The following ADK variants were observed in gnomAD, a reference collection of about 807,000 sequenced individuals.
The protein encoded by ADK is adenosine kinase, also known as N6,N6-dimethyladenosine kinase.
Under a neutral mutation model 44.7 loss-of-function variants are expected in ADK, and 24 were observed. The observed-to-expected ratio is 0.54, with a 90% CI of 0.39 to 0.76. The LOEUF is 0.76. ADK is among the 30% of genes least tolerant of loss of function. The probability of loss-of-function intolerance (pLI) is 0.00; values close to 1 mark genes in which losing one functional copy is unlikely to be tolerated. For missense variants in ADK, 321 were observed against 425.1 expected, an observed-to-expected ratio of 0.76 and a Z score of 2.15; for synonymous variants, 128 against 142.6, an observed-to-expected ratio of 0.90 and a Z score of 0.73.
At chr10:74,495,094 C>T (rs1847634932) in intron 6 of ADK, among the ~76,000 whole-genome samples, 1 of 151,908 alleles carries the variant, frequency 6.6e-6, no homozygotes, top group Non-Finnish European at 1.5e-5. Flanking sequence ...TGCCTTTTCT[C>T]TAGAAGCATT....
At chr10:74,256,918 A>G (rs1456587867) in intron 3 of ADK, among the ~76,000 whole-genome samples, 4 of 152,186 alleles carry the variant, frequency 2.6e-5, no homozygotes, top group Non-Finnish European at 4.4e-5. Flanking sequence ...ATTTAGAGAA[A>G]TTTTTGAAAG....
intron 7 of ADK, among the ~76,000 whole-genome samples, chr10:74,561,036 A>G (rs1850440674): frequency 6.6e-6 from 1 of 152,226 alleles, no homozygotes; most frequent in Non-Finnish European, 1.5e-5. Context: ...AAACAGAACA[A>G]CAAAATTGTC....
chr10:74,308,515 C>T (rs1840329788), intron 3 of ADK, among the ~76,000 whole-genome samples: 2 of 152,100 alleles, frequency 1.3e-5, no homozygotes, highest in Admixed American at 6.6e-5. Flanking sequence ...TTACAATTTG[C>T]CTGTCGATTC....
At chr10:74,250,489 A>C (rs1845608410) in intron 3 of ADK, among the ~76,000 whole-genome samples, 1 of 152,186 alleles carries the variant, frequency 6.6e-6, no homozygotes, top group African/African-American at 2.4e-5. Flanking sequence ...GTTCAGGCCG[A>C]ATTGTGAAAA....
At chr10:74,205,134 C>G (rs1473363587) in intron 2 of ADK, among the ~76,000 whole-genome samples, 1 of 150,804 alleles carries the variant, frequency 6.6e-6, no homozygotes. Flanking sequence ...ATTGACTTCT[C>G]ATTATGGAGA....
chr10:74,387,228 C>G (rs1285585756), intron 4 of ADK, among the ~76,000 whole-genome samples: 2 of 152,186 alleles, frequency 1.3e-5, no homozygotes, highest in East Asian at 3.8e-4. Context: ...AGCCACTGCG[C>G]CTGGCCTGGT....
chr10:74,665,514 C>G (rs940615959), intron 9 of ADK, among the ~76,000 whole-genome samples: 15 of 151,874 alleles, frequency 9.9e-5, no homozygotes, highest in African/African-American at 3.4e-4. Context: ...AGGAGGATCA[C>G]TTGAAGCCAA....
At chr10:74,614,136 A>G (rs1284630953) in intron 9 of ADK, among the ~76,000 whole-genome samples, 1 of 152,114 alleles carries the variant, frequency 6.6e-6, no homozygotes, top group Non-Finnish European at 1.5e-5. Context: ...CACATTTTTG[A>G]CAAAGTAGTA....
intron 1 of ADK, among the ~76,000 whole-genome samples, chr10:74,183,942 A>G (rs777999425): frequency 1.9e-4 from 28 of 151,344 alleles, no homozygotes; most frequent in South Asian, 6.3e-4. Context: ...TTCGAGACAG[A>G]GTCTCGCTCT....
At chr10:74,302,370 C>T (rs1488953520) in intron 3 of ADK, among the ~76,000 whole-genome samples, 2 of 151,588 alleles carry the variant, frequency 1.3e-5, no homozygotes, top group South Asian at 4.2e-4. Flanking sequence ...AATCAGCCCA[C>T]CTCAGCCTCC....
intron 1 of ADK, among the ~76,000 whole-genome samples, chr10:74,189,710 T>C (rs1379145638): frequency 6.6e-6 from 1 of 152,088 alleles, no homozygotes; most frequent in Non-Finnish European, 1.5e-5. Flanking sequence ...AACGTTTTTG[T>C]CCCCCAAAAT....
At chr10:74,474,655 A>G (rs978479811) in intron 6 of ADK, among the ~76,000 whole-genome samples, 3 of 150,642 alleles carry the variant, frequency 2.0e-5, no homozygotes, top group African/African-American at 7.3e-5. Context: ...TTGATCTCCC[A>G]CCTTAGGCTC....
intron 7 of ADK, among the ~76,000 whole-genome samples, chr10:74,578,949 A>C (rs188752778): frequency 1.3e-3 from 197 of 152,292 alleles, no homozygotes; most frequent in Admixed American, 1.8e-3. Context: ...TTACATGTAC[A>C]TGTTTGGTAC....
chr10:74,683,907 T>C (rs1196695679), intron 10 of ADK, among the ~76,000 whole-genome samples: 1 of 152,224 alleles, frequency 6.6e-6, no homozygotes, highest in Non-Finnish European at 1.5e-5. Flanking sequence ...CCCAGCTCTC[T>C]AGGTTTAACT....
intron 7 of ADK, among the ~76,000 whole-genome samples, chr10:74,579,544 A>G (rs1202524389): frequency 6.6e-6 from 1 of 152,192 alleles, no homozygotes; most frequent in African/African-American, 2.4e-5. Flanking sequence ...CTGAGAGAAA[A>G]TGAATGAGGC....
intron 6 of ADK, among the ~76,000 whole-genome samples, chr10:74,512,218 G>A (rs911548408): frequency 1.3e-5 from 2 of 151,940 alleles, no homozygotes; most frequent in Admixed American, 6.6e-5. Flanking sequence ...GTGGACTTTT[G>A]CATGTATGTT....
rs150421216 is a variant in ADK, at chr10:74,691,930, T to C, written c.965-16391T>C. 1.1e-3 allele frequency among the ~76,000 whole-genome samples: 161 copies of C among 152,260 alleles called. 1 individual carries two copies. The highest frequency in any genetic ancestry group is 3.7e-3 in the African/African-American group (155 of 41,556). On this transcript the variant is annotated intron_variant, in intron 10 of 10. Coordinates refer to ENST00000539909, the MANE Select transcript of ADK (RefSeq NM_006721.4). Reference sequence around the variant, plus strand: ...TTTATTGCTGGTAAAAAATGCAAAATGGTAAACAACCACTTTGGAAGACAA... The same window carrying C: ...TTTATTGCTGGTAAAAAATGCAAAACGGTAAACAACCACTTTGGAAGACAA...
At chr10:74,189,157 C>A (rs10824102) in intron 1 of ADK, among the ~76,000 whole-genome samples, 20,026 of 152,136 alleles carry the variant, frequency 0.13, 1,325 homozygotes, top group Middle Eastern at 0.21. Context: ...CCTTTAGCTG[C>A]AGCATACAAT....
chr10:74,460,722 C>A (rs1003470444), intron 6 of ADK, among the ~76,000 whole-genome samples: 1 of 152,128 alleles, frequency 6.6e-6, no homozygotes, highest in Non-Finnish European at 1.5e-5. Context: ...AAATATGAGA[C>A]TTGAAAGGTT....
Sources: gnomAD v4.1 joint callset for allele counts (sites outside exome capture counted in the v4.1 genomes callset) on GRCh38, gnomAD v4.1.1 for gene constraint, MANE v1.5 for transcripts, NCBI Gene and HGNC (gene_info 2026-07-23, HGNC 2026-07-21) for gene names.